MIA3: variants seen among roughly 807,000 people sequenced by gnomAD.
MIA3 encodes the protein transport and Golgi organization protein 1 homolog.
In MIA3, 90 loss-of-function variants were observed where a neutral mutation model predicts 192.4. That is an observed-to-expected ratio of 0.47 (90% CI 0.39 to 0.56). The LOEUF is 0.56. Ranked by LOEUF, MIA3 falls within the 20% of genes least tolerant of loss-of-function variation. The pLI is 0.00. For missense variants in MIA3, 2,123 were observed against 2,269.4 expected (o/e 0.94, Z 1.31); for synonymous variants, 740 against 792.8 (o/e 0.93, Z 1.12).
intron 3 of MIA3, among the ~76,000 whole-genome samples, chr1:222,626,044 A>G (rs550020303): frequency 1.3e-5 from 2 of 152,322 alleles, no homozygotes; most frequent in South Asian, 4.1e-4. Flanking sequence ...TATATAAAAA[A>G]CACCATGCCC....
At chr1:222,651,176 T>C (rs1052750780) in intron 11 of MIA3, among the ~76,000 whole-genome samples, 13 of 151,968 alleles carry the variant, frequency 8.6e-5, no homozygotes, top group African/African-American at 2.9e-4. Flanking sequence ...AGAAACCCAG[T>C]TGAACAGTCC....
At position 222,650,008 on chromosome 1, in the gene MIA3, C is replaced by T. The variant is rs75055474; in HGVS notation, c.3632-284C>T. ...TTCCACAAGAACTCAGTCACCATCA[C>T]AGAATAGCACCACAGGGATGGTGAT... On this transcript the variant is annotated intron_variant, in intron 8 of 27. Coordinates refer to ENST00000344922, the MANE Select transcript of MIA3 (RefSeq NM_198551.4). Among the ~76,000 whole-genome samples the T allele has an allele frequency of 4.2e-3, 641 of 152,198 alleles. 4 individuals are homozygous for T. Among genetic ancestry groups the T allele is most frequent in the African/African-American group, 0.015 (612 of 41,526 alleles).
In MIA3 at chr1:222,629,028, G is replaced by A; in HGVS notation, c.1808G>A (p.Gly603Glu). 6.2e-7 allele frequency: 1 copy of A among 1,614,138 alleles called. No homozygotes were observed. Among genetic ancestry groups the A allele is most frequent in the East Asian group, 2.2e-5 (1 of 44,882 alleles). ...DSVEGDALVN[G>E]AKLHTLSVEH... ...GTGGAGGGAGACGCTTTGGTAAATG[G>A]GGCCAAACTGCACACGCTTTCAGTG... is the stretch of plus-strand genomic sequence containing the variant. Residue 603 changes from glycine to glutamate, a missense_variant, in exon 4 of 28, where the codon GGG becomes GAG. Gly to Glu is a moderately conservative substitution (Grantham distance 98). Transcript: ENST00000344922.
chr1:222,630,801 C>T (rs965198236), intron 4 of MIA3, among the ~76,000 whole-genome samples: 4 of 152,316 alleles, frequency 2.6e-5, no homozygotes, highest in African/African-American at 9.6e-5. Context: ...TAAATTCCTA[C>T]GTTCTCCCCA....
chr1:222,641,163 TAAG>T (rs1468126358), intron 6 of MIA3, among the ~76,000 whole-genome samples: 1 of 152,196 alleles, frequency 6.6e-6, no homozygotes, highest in Non-Finnish European at 1.5e-5. Flanking sequence ...GTCAGTTTCT[TAAG>T]AAGGTAAACC....
At chr1:222,624,356 A>G (rs1050125992) in intron 2 of MIA3, among the ~76,000 whole-genome samples, 6 of 152,236 alleles carry the variant, frequency 3.9e-5, no homozygotes, top group African/African-American at 9.6e-5. Flanking sequence ...GCATAAATTA[A>G]TTGTGCTACC....
intron 7 of MIA3, among the ~76,000 whole-genome samples, chr1:222,647,196 A>G (rs772054730): frequency 3.9e-5 from 6 of 152,180 alleles, no homozygotes; most frequent in Non-Finnish European, 7.4e-5. Flanking sequence ...TAATTTTTTT[A>G]TCTTCTGTGC....
At chr1:222,626,889 G>C (rs1662143934) in intron 3 of MIA3, among the ~76,000 whole-genome samples, 1 of 152,228 alleles carries the variant, frequency 6.6e-6, no homozygotes, top group Non-Finnish European at 1.5e-5. Context: ...CTGACTGGGT[G>C]AGCAGAGAAG....
rs1440114712 is a variant in MIA3, at chr1:222,659,753, A to T, written c.4826A>T (p.Glu1609Val). The T allele has an allele frequency of 3.7e-6, 6 of 1,614,054 alleles. No homozygotes were observed. Among genetic ancestry groups the T allele is most frequent in the Non-Finnish European group, 5.1e-6 (6 of 1,180,004 alleles). ...CAATAGCTCAAAGCTCGTGCTGCAG[A>T]AAGAGCTATAGCTGAAGAGAAAAGG... is the stretch of plus-strand genomic sequence containing the variant. ...HENWLKARAA[E>V]RAIAEEKREA... The change falls in exon 22 of 28, where the codon GAA (glutamate) becomes GTA (valine). Residue 1609 changes from glutamate (E) to valine (V), a missense_variant. Coordinates refer to ENST00000344922, the MANE Select transcript of MIA3 (RefSeq NM_198551.4).
At chr1:222,650,533 T>TA (rs891782443) in intron 9 of MIA3, 101 bp from the exon 10 acceptor site, 2 of 916,796 alleles carry the variant, frequency 2.2e-6, no homozygotes, top group African/African-American at 1.7e-5. Context: ...GTCATATGTG[T>TA]AAAGTACTGT....
intron 1 of MIA3, among the ~76,000 whole-genome samples, chr1:222,618,532 G>T (rs1341088639): frequency 6.6e-6 from 1 of 152,218 alleles, no homozygotes; most frequent in African/African-American, 2.4e-5. Flanking sequence ...TGCTGAGGCG[G>T]GGGGTTGCTT....
At position 222,638,045 on chromosome 1, in the gene MIA3, A is replaced by G. The variant is rs1346522180; in HGVS notation, c.3477+4796A>G. Among the ~76,000 whole-genome samples, 3 of 152,160 alleles carry G rather than the reference A, an allele frequency of 2.0e-5. No homozygotes were observed. The East Asian group carries it at 5.8e-4, about 29-fold the overall frequency. Reference sequence around the variant, plus strand: ...GAGATTTCAGTATCCCTTCTCAATAACTGATAGAATAGGAAGTCAATAAGG... The same window carrying G: ...GAGATTTCAGTATCCCTTCTCAATAGCTGATAGAATAGGAAGTCAATAAGG... On this transcript the variant is annotated intron_variant, in intron 6 of 27. Coordinates refer to ENST00000344922, the MANE Select transcript of MIA3 (RefSeq NM_198551.4).
intron 6 of MIA3, among the ~76,000 whole-genome samples, chr1:222,634,617 G>A (rs72740105): frequency 2.5e-3 from 387 of 152,314 alleles, no homozygotes; most frequent in Non-Finnish European, 4.1e-3. Flanking sequence ...GTGGTACTCG[G>A]TGGAATTGGA....
In MIA3 at chr1:222,630,209, C is replaced by T. The variant is rs1390596013; in HGVS notation, c.2989C>T (p.Arg997Cys). Residue 997 changes from arginine to cysteine, a missense_variant, in exon 4 of 28, where the codon CGT becomes TGT. Around this residue, in one of 3 missense-constraint regions of MIA3, gnomAD observed 1,357 missense variants for 1,396.1 expected, o/e 0.97. Transcript: ENST00000344922. Reference sequence around the variant, plus strand: ...CATAGCAGAAAAAATGCTTGATACTCGTGTGGCTGAAAATAGAGATCTGGG... The same window carrying T: ...CATAGCAGAAAAAATGCTTGATACTTGTGTGGCTGAAAATAGAGATCTGGG... ...LSIAEKMLDT[R>C]VAENRDLGMN... The T allele has an allele frequency of 9.3e-6, 15 of 1,613,994 alleles. No individual in the cohort carries two copies. The highest frequency in any genetic ancestry group is 1.6e-4 in the Middle Eastern group (1 of 6,082).
At chr1:222,658,586 T>G in intron 18 of MIA3, 136 bp from the exon 19 acceptor site, 1 of 622,334 alleles carries the variant, frequency 1.6e-6, no homozygotes, top group Non-Finnish European at 2.8e-6. Flanking sequence ...AAGGACAGTT[T>G]TATTTCCTTC....
chr1:222,654,874 T>C, intron 18 of MIA3, 81 bp downstream of exon 18: 1 of 1,233,878 alleles, frequency 8.1e-7, no homozygotes. Flanking sequence ...TGTTATCGTT[T>C]TTCAGGATTG....
intron 1 of MIA3, among the ~76,000 whole-genome samples, chr1:222,620,286 G>A (rs1661797368): frequency 6.6e-6 from 1 of 152,154 alleles, no homozygotes. Flanking sequence ...ATGGGAAACT[G>A]TGTATGTGGT....
chr1:222,626,623 C>A (rs1662132447), intron 3 of MIA3, among the ~76,000 whole-genome samples: 1 of 152,196 alleles, frequency 6.6e-6, no homozygotes. Flanking sequence ...GAAAGCAGAT[C>A]TTAGTGACTG....
intron 11 of MIA3, among the ~76,000 whole-genome samples, 173 bp from the exon 12 acceptor site, chr1:222,651,804 C>T (rs937310111): frequency 3.3e-5 from 5 of 152,102 alleles, no homozygotes; most frequent in African/African-American, 1.2e-4. Flanking sequence ...TTTTCCCTTA[C>T]CTCTTTAAGT....
Sources: allele counts gnomAD v4.1 joint callset (sites outside exome capture counted in the v4.1 genomes callset), GRCh38; gene constraint gnomAD v4.1.1; regional missense constraint gnomAD v4.1.1; transcripts MANE v1.5; gene names NCBI Gene and HGNC (gene_info 2026-07-23, HGNC 2026-07-21).